The following ANKRD44 variants were observed in gnomAD, a reference collection of about 807,000 sequenced individuals.
ANKRD44 encodes serine/threonine-protein phosphatase 6 regulatory ankyrin repeat subunit B.
A neutral mutation model predicts 116.0 loss-of-function variants in ANKRD44; 35 were observed. That is an observed-to-expected ratio of 0.30 (90% CI 0.23 to 0.40). The LOEUF (loss-of-function observed/expected upper bound fraction) is 0.40. Ranked by LOEUF, ANKRD44 falls within the 10% of genes least tolerant of loss-of-function variation. ANKRD44 has a pLI of 1.00. For synonymous variants in ANKRD44, 435 were observed against 461.8 expected (o/e 0.94, Z 0.74); for missense variants, 1,014 against 1,242.6 (o/e 0.82, Z 2.77).
At chr2:196,991,395 A>G (rs1383477435) in intron 27 of ANKRD44, among the ~76,000 whole-genome samples, 2 of 152,310 alleles carry the variant, frequency 1.3e-5, no homozygotes, top group Non-Finnish European at 1.5e-5. Context: ...TGTGTGTCCA[A>G]TTAGAAAAGA....
chr2:197,190,072 G>A (rs2080786289), intron 1 of ANKRD44, among the ~76,000 whole-genome samples: 1 of 152,156 alleles, frequency 6.6e-6, no homozygotes, highest in Admixed American at 6.5e-5. Flanking sequence ...ACTTTATAGA[G>A]AATTGTCAAG....
At chr2:197,198,805 A>G (rs1352404478) in intron 1 of ANKRD44, 1 of 152,148 alleles carries the variant, frequency 6.6e-6, no homozygotes, top group Non-Finnish European at 1.5e-5. Context: ...AATAAAAAAT[A>G]AAATAAAATA....
intron 1 of ANKRD44, among the ~76,000 whole-genome samples, chr2:197,304,814 C>A (rs960155514): frequency 4.6e-5 from 7 of 152,204 alleles, no homozygotes; most frequent in Non-Finnish European, 7.3e-5. Context: ...CCTGCAAGTC[C>A]TGGACCGATC....
At chr2:196,990,919 G>A in intron 27 of ANKRD44, 1 of 1,232,466 alleles carries the variant, frequency 8.1e-7, no homozygotes, top group Non-Finnish European at 1.0e-6. Flanking sequence ...GCCAGGGCCG[G>A]GGTATGACCT....
At chr2:196,979,787 C>T (rs1489099918) in intron 21 of ANKRD44, among the ~76,000 whole-genome samples, 1 of 151,916 alleles carries the variant, frequency 6.6e-6, no homozygotes, top group African/African-American at 2.4e-5. Context: ...GTCTCGAACT[C>T]CCAACCTCAG....
chr2:197,168,503 G>A (rs968669635), intron 2 of ANKRD44, among the ~76,000 whole-genome samples: 1 of 152,118 alleles, frequency 6.6e-6, no homozygotes, highest in African/African-American at 2.4e-5. Context: ...TTTCCTTTGT[G>A]TACCAGCAAA....
chr2:197,055,677 G>A (rs1324613934), intron 16 of ANKRD44, among the ~76,000 whole-genome samples: 1 of 152,018 alleles, frequency 6.6e-6, no homozygotes, highest in Non-Finnish European at 1.5e-5. Context: ...GCACTATTTG[G>A]TGAAAAGATA....
intron 5 of ANKRD44, 106 bp downstream of exon 5, chr2:197,125,715 GAAGGTTTGGTGTACAA>G: frequency 1.7e-6 from 2 of 1,159,298 alleles, no homozygotes; most frequent in Non-Finnish European, 2.5e-6. Flanking sequence ...TATAGATGCT[GAAGGTTTGGTGTACAA>G]ATATTTTCAT....
At chr2:197,193,286 A>G (rs2080866408) in intron 1 of ANKRD44, among the ~76,000 whole-genome samples, 1 of 152,160 alleles carries the variant, frequency 6.6e-6, no homozygotes, top group Admixed American at 6.5e-5. Context: ...ACCACTAGTT[A>G]TCACCCTCAC....
chr2:197,022,871 A>C (rs1464740899), intron 17 of ANKRD44, among the ~76,000 whole-genome samples: 1 of 152,116 alleles, frequency 6.6e-6, no homozygotes, highest in Non-Finnish European at 1.5e-5. Flanking sequence ...CCATCTCAAT[A>C]CTTTCTATCT....
At chr2:197,011,561 C>G (rs1387358931) in intron 18 of ANKRD44, among the ~76,000 whole-genome samples, 1 of 151,762 alleles carries the variant, frequency 6.6e-6, no homozygotes, top group Non-Finnish European at 1.5e-5. Context: ...CAACCTCTGC[C>G]TCCTGGGTTC....
At chr2:196,999,726 T>C (rs187434969) in intron 23 of ANKRD44, among the ~76,000 whole-genome samples, 5,405 of 152,114 alleles carry the variant, frequency 0.036, 126 homozygotes, top group South Asian at 0.058. Flanking sequence ...CCTGAGTAGC[T>C]GGGACTACAG....
intron 10 of ANKRD44, among the ~76,000 whole-genome samples, chr2:197,094,502 T>C (rs1301435711): frequency 6.6e-6 from 1 of 152,228 alleles, no homozygotes; most frequent in Non-Finnish European, 1.5e-5. Flanking sequence ...GAAGTTGTAA[T>C]CAGGTTGTAC....
At chr2:197,306,111 T>G (rs1471546664) in intron 1 of ANKRD44, among the ~76,000 whole-genome samples, 2 of 151,952 alleles carry the variant, frequency 1.3e-5, no homozygotes, top group Non-Finnish European at 2.9e-5. Flanking sequence ...CTCCTTACTA[T>G]GTACAGAAAT....
At chr2:197,044,045 TC>T (rs2076958124) in intron 16 of ANKRD44, among the ~76,000 whole-genome samples, 1 of 152,124 alleles carries the variant, frequency 6.6e-6, no homozygotes, top group African/African-American at 2.4e-5. Context: ...AATAACAAAT[TC>T]AATTTGTAGG....
At chr2:197,262,641 T>C (rs532796648) in intron 1 of ANKRD44, among the ~76,000 whole-genome samples, 17 of 152,146 alleles carry the variant, frequency 1.1e-4, no homozygotes, top group Non-Finnish European at 2.4e-4. Context: ...TGGTGGCTCA[T>C]GCCTGTAATC....
intron 1 of ANKRD44, among the ~76,000 whole-genome samples, chr2:197,191,408 A>C (rs765852843): frequency 1.3e-5 from 2 of 152,210 alleles, no homozygotes; most frequent in Non-Finnish European, 2.9e-5. Flanking sequence ...TTGATCTTAT[A>C]AATTTTGTAG....
rs1360832913 is a variant in ANKRD44, at chr2:196,989,123, T to C, written c.*468A>G. The C allele has an allele frequency of 8.1e-6, 8 of 984,994 alleles. No homozygotes were observed. Among genetic ancestry groups the C allele is most frequent in the Non-Finnish European group, 9.6e-6 (8 of 829,962 alleles). The allele number at this position is 984,994 out of a possible 1,614,324, so 61.0% of individuals were successfully genotyped here. On this transcript the variant is annotated 3_prime_UTR_variant, in exon 28 of 28. Coordinates refer to ENST00000282272, the MANE Select transcript of ANKRD44 (RefSeq NM_001195144.2). ...GGCTTTTGGCTAGCCCAGGGTCAAGTGTTTTTTTTTTCACTTTTTTTTTGT... is the reference window on the plus strand; with the variant it reads ...GGCTTTTGGCTAGCCCAGGGTCAAGCGTTTTTTTTTTCACTTTTTTTTTGT...
intron 1 of ANKRD44, chr2:197,263,351 C>T: frequency 1.5e-6 from 1 of 661,668 alleles, no homozygotes; most frequent in Non-Finnish European, 2.8e-6. Flanking sequence ...TGGGGCGCCA[C>T]AGTTGGGGTG....
Sources: gnomAD v4.1 joint callset for allele counts (sites outside exome capture counted in the v4.1 genomes callset) on GRCh38, gnomAD v4.1.1 for gene constraint, MANE v1.5 for transcripts, NCBI Gene and HGNC (gene_info 2026-07-23, HGNC 2026-07-21) for gene names.